FLG2: variants seen among roughly 807,000 people sequenced by gnomAD.
FLG2 encodes the protein filaggrin 2.
In FLG2, 7 loss-of-function variants were observed where a neutral mutation model predicts 3.9. The ratio of observed to expected loss-of-function variants is 1.79; its 90% CI spans 1.02 to 3.36. The LOEUF is 3.36. Among genes scored for constraint, FLG2 ranks in the 30% most tolerant of loss-of-function variants. The pLI is 0.00. For missense variants in FLG2, 2,700 were observed against 2,809.4 expected, an observed-to-expected ratio of 0.96 and a Z score of 0.88; for synonymous variants, 1,031 against 1,056.1, an observed-to-expected ratio of 0.98 and a Z score of 0.46.
In FLG2 at chr1:152,357,161, T is replaced by C. The variant is rs146086046; in HGVS notation, c.625A>G (p.Asn209Asp). 3.1e-6 allele frequency: 5 copies of C among 1,614,046 alleles called. No homozygotes were observed. In the African/African-American group the frequency reaches 4.0e-5, roughly 13 times the overall value. Reference sequence around the variant, plus strand: ...CTAGAAGGGCTAATGTGTGACTTGTTTATTCTTTCTCTCAGTTCTACAGAG... The same window carrying C: ...CTAGAAGGGCTAATGTGTGACTTGTCTATTCTTTCTCTCAGTTCTACAGAG... ...SSSVELRERI[N>D]KSHISPSRES... The change falls in exon 3 of 3, where the codon AAC becomes GAC. Residue 209 changes from asparagine (N) to aspartate (D), a missense_variant. Coordinates refer to ENST00000388718, the MANE Select transcript of FLG2 (RefSeq NM_001014342.3).
chr1:152,352,772 G>A lies in FLG2; in HGVS notation c.5014C>T (p.His1672Tyr), dbSNP rs1421854170. 6 of 1,613,924 alleles carry A rather than the reference G, an allele frequency of 3.7e-6. No homozygotes were observed. The South Asian group carries it at 6.6e-5, about 18-fold the overall frequency. Residue 1672 changes from histidine to tyrosine, a missense_variant, in exon 3 of 3, where the codon CAC (histidine) becomes TAC (tyrosine). Physicochemically the swap from His to Tyr is moderately conservative, Grantham distance 83. Coordinates refer to ENST00000388718, the MANE Select transcript of FLG2 (RefSeq NM_001014342.3). ...HSGVSHTHTG[H>Y]THGQAGSQHG... ...TGAGATCCAGCTTGACCATGAGTGTGTCCTGTATGTGTGTGTGAGACCCCT... is the reference window on the plus strand; with the variant it reads ...TGAGATCCAGCTTGACCATGAGTGTATCCTGTATGTGTGTGTGAGACCCCT...
At position 152,356,561 on chromosome 1, in the gene FLG2, TAGA is replaced by T; in HGVS notation, c.1222_1224del (p.Ser410del). On this transcript the variant is annotated inframe_deletion, in exon 3 of 3. Coordinates refer to ENST00000388718, the MANE Select transcript of FLG2 (RefSeq NM_001014342.3). ...TCACATTTGGAAAATTCATTTGAAC[TAGA>T]AGAGTTTGAAAAGCGGCCACAGGAA... 6.2e-7 allele frequency: 1 copy of T among 1,614,210 alleles called. No homozygotes were observed. The highest frequency in any genetic ancestry group is 8.5e-7 in the Non-Finnish European group (1 of 1,180,038).
intron 1 of FLG2, among the ~76,000 whole-genome samples, chr1:152,359,355 T>C (rs1053503411): frequency 1.3e-5 from 2 of 152,182 alleles, no homozygotes; most frequent in Non-Finnish European, 2.9e-5. Flanking sequence ...GTTTATCCTC[T>C]GGGCACCAGA....
intron 2 of FLG2, 84 bp downstream of exon 2, chr1:152,358,663 T>A: frequency 7.3e-7 from 1 of 1,377,518 alleles, no homozygotes; most frequent in Non-Finnish European, 9.9e-7. Context: ...TCACTGGGGC[T>A]GTGCACTTTT....
At position 152,352,136 on chromosome 1, in the gene FLG2, T is replaced by C. The variant is rs770724641; in HGVS notation, c.5650A>G (p.Ser1884Gly). The change falls in exon 3 of 3, where the codon AGT becomes GGT. Residue 1884 changes from serine to glycine, a missense_variant. By Grantham distance (56) the Ser-to-Gly change is moderately conservative. Coordinates refer to ENST00000388718, the MANE Select transcript of FLG2 (RefSeq NM_001014342.3). ...GRRRSGHSES[S>G]DSEVHSGGSH... Reference sequence around the variant, plus strand: ...CCCCCTGAGTGCACTTCACTGTCACTGGACTCACTGTGGCCAGATCTCCTT... The same window carrying C: ...CCCCCTGAGTGCACTTCACTGTCACCGGACTCACTGTGGCCAGATCTCCTT... 1.9e-6 allele frequency: 3 copies of C among 1,613,908 alleles called. No individual in the cohort carries two copies. Among genetic ancestry groups the C allele is most frequent in the Non-Finnish European group, 2.5e-6 (3 of 1,179,944 alleles).
chr1:152,350,392 T>A lies in FLG2; in HGVS notation c.*218A>T. ...TGTACATCCCTCCCTTCTGGCTGTG[T>A]TATATCCAGGTTGAACATAGGTGTT... is the stretch of plus-strand genomic sequence containing the variant. On this transcript the variant is annotated 3_prime_UTR_variant, in exon 3 of 3. Transcript: ENST00000388718. 1.6e-6 allele frequency: 1 copy of A among 619,126 alleles called. No individual in the cohort carries two copies. The highest frequency in any genetic ancestry group is 2.7e-6 in the Non-Finnish European group (1 of 364,602). 38.4% of individuals were successfully genotyped at this position (619,126 alleles called of 1,614,324 possible).
rs1292844325 is a variant in FLG2 at position 152,352,111 on chromosome 1, C to T, written c.5675G>A (p.Gly1892Asp). ...TGTGTGTCCTGAATGTGTATGTGAG[C>T]CCCCTGAGTGCACTTCACTGTCACT... The part of the protein sequence containing the change: ...ESSDSEVHSG[G>D]SHTHSGHTHS... The change falls in exon 3 of 3, where the codon GGC (glycine) becomes GAC (aspartate). Residue 1892 changes from glycine (G) to aspartate (D), a missense_variant. Transcript: ENST00000388718. 5 of 1,595,338 alleles carry T rather than the reference C, an allele frequency of 3.1e-6. No individual in the cohort carries two copies. Among genetic ancestry groups the T allele is most frequent in the Non-Finnish European group, 4.3e-6 (5 of 1,170,650 alleles).
At position 152,356,265 on chromosome 1, in the gene FLG2, C is replaced by CAT; in HGVS notation, c.1520_1521insAT (p.His508CysfsTer218). The CAT allele has an allele frequency of 6.3e-7, 1 of 1,596,028 alleles. No homozygotes were observed. The highest frequency in any genetic ancestry group is 8.5e-7 in the Non-Finnish European group (1 of 1,173,178). On this transcript the variant is annotated frameshift_variant, in exon 3 of 3. Transcript: ENST00000388718. LOFTEE classifies it low-confidence loss of function (END_TRUNC). Reference sequence around the variant, plus strand: ...AGGATTGTCCTGAGACAGACCCATGCTGTCCAAAGCCAGAGGACTGACCTG... The same window carrying CAT: ...AGGATTGTCCTGAGACAGACCCATGCATTGTCCAAAGCCAGAGGACTGACCTG...
chr1:152,352,847 C>T lies in FLG2; in HGVS notation c.4939G>A (p.Gly1647Arg). Reference sequence around the variant, plus strand: ...TCACTGTGGCTAGATCTCTGTCTTCCAGTTGTCCTGGACCCTCTCTGTGTG... The same window carrying T: ...TCACTGTGGCTAGATCTCTGTCTTCTAGTTGTCCTGGACCCTCTCTGTGTG... ...QSTQRGSRTT[G>R]RQRSSHSESS... The change falls in exon 3 of 3, where the codon GGA becomes AGA. Residue 1647 changes from glycine (G) to arginine (R), a missense_variant. Coordinates refer to ENST00000388718, the MANE Select transcript of FLG2 (RefSeq NM_001014342.3). 1 of 1,613,624 alleles carries T rather than the reference C, an allele frequency of 6.2e-7. No homozygotes were observed. Among genetic ancestry groups the T allele is most frequent in the South Asian group, 1.1e-5 (1 of 91,056 alleles).
rs1654223397 is a variant in FLG2, at chr1:152,356,200, G to A, written c.1586C>T (p.Ser529Phe). Residue 529 changes from serine (S) to phenylalanine (F), a missense_variant, in exon 3 of 3, where the codon TCT becomes TTT. Transcript: ENST00000388718. Reference protein sequence around the residue: ...GQHGSVSGQSSGFGQHESRSR... With the variant: ...GQHGSVSGQSFGFGQHESRSR... ...TCTAGACTCATGTTGTCCAAAACCA[G>A]AGGATTGTCCTGAGACAGACCCATG... 1 of 1,613,186 alleles carries A rather than the reference G, an allele frequency of 6.2e-7. No homozygotes were observed. Among genetic ancestry groups the A allele is most frequent in the Non-Finnish European group, 8.5e-7 (1 of 1,179,606 alleles).
rs775522080 is a variant in FLG2 at position 152,352,200 on chromosome 1, A to G, written c.5586T>C (p.His1862=). The change falls in exon 3 of 3, where the codon CAT becomes CAC. Residue 1862 remains histidine (H), a synonymous_variant. Coordinates refer to ENST00000388718, the MANE Select transcript of FLG2 (RefSeq NM_001014342.3). ...GDTSGHSQSG[H]GQSTQSGSST... ...TGGATCCTGACTGTGTGGACTGTCC[A>G]TGACCAGATTGAGAATGTCCACTGG... is the stretch of plus-strand genomic sequence containing the variant. 5.3e-5 allele frequency: 86 copies of G among 1,613,804 alleles called. 2 individuals are homozygous for G. The South Asian group carries it at 8.9e-4, about 17-fold the overall frequency.
intron 2 of FLG2, among the ~76,000 whole-genome samples, chr1:152,358,084 C>T (rs112010402): frequency 0.041 from 6,096 of 150,028 alleles, 445 homozygotes; most frequent in African/African-American, 0.14. Flanking sequence ...TGCAGTGGTG[C>T]GATCTCTGCT....
Position 152,352,779 on chromosome 1 carries a change from ATG to A in FLG2, c.5005_5006del (p.His1669TyrfsTer21). On this transcript the variant is annotated frameshift_variant, in exon 3 of 3. Coordinates refer to ENST00000388718, the MANE Select transcript of FLG2 (RefSeq NM_001014342.3). LOFTEE classifies it low-confidence loss of function (END_TRUNC). ...SEVHSGVSHT[H>X]TGHTHGQAGS... is the part of the protein sequence containing the mutation. The stretch of plus-strand genomic sequence containing the variant: ...CAGCTTGACCATGAGTGTGTCCTGT[ATG>A]TGTGTGTGAGACCCCTGAGTGCACT... 3 of 1,612,256 alleles carry A rather than the reference ATG, an allele frequency of 1.9e-6. No homozygotes were observed. Among genetic ancestry groups the A allele is most frequent in the Non-Finnish European group, 2.5e-6 (3 of 1,179,570 alleles).
Position 152,351,541 on chromosome 1 carries a change from T to G in FLG2, c.6245A>C (p.His2082Pro). 6.2e-7 allele frequency: 1 copy of G among 1,612,502 alleles called. No individual in the cohort carries two copies. The highest frequency in any genetic ancestry group is 8.5e-7 in the Non-Finnish European group (1 of 1,179,674). The change falls in exon 3 of 3, where the codon CAT (histidine) becomes CCT (proline). Residue 2082 changes from histidine (H) to proline (P), a missense_variant. Transcript: ENST00000388718. ...GGACTGTCCATGACCAGAGTGAGCA[T>G]GTCTAGTGGTATCTCCTGTCTGTCC... is the stretch of plus-strand genomic sequence containing the variant. ...THGQTGDTTRHAHSGHGQSTQ... is the reference protein window; with the variant it reads ...THGQTGDTTRPAHSGHGQSTQ...
intron 2 of FLG2, 128 bp from the exon 3 acceptor site, chr1:152,357,775 C>T (rs1211582670): frequency 1.0e-5 from 7 of 678,412 alleles, no homozygotes; most frequent in Non-Finnish European, 1.7e-5. Context: ...TAAAGGATTA[C>T]TTTAGGTTAA....
At position 152,352,825 on chromosome 1, in the gene FLG2, C is replaced by T. The variant is rs746075054; in HGVS notation, c.4961G>A (p.Ser1654Asn). Reference protein sequence around the residue: ...RTTGRQRSSHSESSDSEVHSG... With the variant: ...RTTGRQRSSHNESSDSEVHSG... The stretch of plus-strand genomic sequence containing the variant: ...GTGCACTTCACTGTCACTGGACTCA[C>T]TGTGGCTAGATCTCTGTCTTCCAGT... Residue 1654 changes from serine (S) to asparagine (N), a missense_variant, in exon 3 of 3, where the codon AGT becomes AAT. By Grantham distance (46) the Ser-to-Asn change is conservative. Coordinates refer to ENST00000388718, the MANE Select transcript of FLG2 (RefSeq NM_001014342.3). 1 of 1,613,814 alleles carries T rather than the reference C, an allele frequency of 6.2e-7. No individual in the cohort carries two copies. The highest frequency in any genetic ancestry group is 1.1e-5 in the South Asian group (1 of 91,060).
Position 152,351,414 on chromosome 1 carries a change from G to T in FLG2, c.6372C>A (p.His2124Gln), listed in dbSNP as rs776022462. ...GTTGAGATCTGGCTTGGCCATAAGT[G>T]TGTCCTGAATGTGTGTGTGAGACCC... ...HSGVSHTHSG[H>Q]TYGQARSQHG... Residue 2124 changes from histidine to glutamine, a missense_variant, in exon 3 of 3, where the codon CAC becomes CAA. Transcript: ENST00000388718. 6 of 1,613,270 alleles carry T rather than the reference G, an allele frequency of 3.7e-6. No homozygotes were observed. The highest frequency in any genetic ancestry group is 5.1e-6 in the Non-Finnish European group (6 of 1,179,860).
At position 152,353,893 on chromosome 1, in the gene FLG2, G is replaced by A. The variant is rs1557897123; in HGVS notation, c.3893C>T (p.Ser1298Phe). ...TGTGGATCCTGACTTTGGGTAGTGA[G>A]ATCCAGCTTGTGTGTGAATGTGTTC... ...HSEHIHTQAGSHYPKSGSTVR... is the reference protein window; with the variant it reads ...HSEHIHTQAGFHYPKSGSTVR... Residue 1298 changes from serine to phenylalanine, a missense_variant, in exon 3 of 3, where the codon TCT becomes TTT. Coordinates refer to ENST00000388718, the MANE Select transcript of FLG2 (RefSeq NM_001014342.3). 1.2e-6 allele frequency: 2 copies of A among 1,614,158 alleles called. No individual in the cohort carries two copies. Among genetic ancestry groups the A allele is most frequent in the Admixed American group, 1.7e-5 (1 of 60,032 alleles).
chr1:152,358,401 T>A (rs963966332), intron 2 of FLG2, among the ~76,000 whole-genome samples: 11 of 152,176 alleles, frequency 7.2e-5, no homozygotes, highest in African/African-American at 1.2e-4. Flanking sequence ...CAACTCCCTA[T>A]GTAGATGATT....
Sources: gnomAD v4.1 joint callset for allele counts (sites outside exome capture counted in the v4.1 genomes callset) on GRCh38, gnomAD v4.1.1 for gene constraint, MANE v1.5 for transcripts, NCBI Gene and HGNC (gene_info 2026-07-23, HGNC 2026-07-21) for gene names.